The following ANO2 variants were observed in gnomAD, a reference collection of about 807,000 sequenced individuals.
ANO2 encodes the protein anoctamin 2.
In ANO2, 101 loss-of-function variants were observed where a neutral mutation model predicts 124.2. The ratio of observed to expected loss-of-function variants is 0.81; its 90% CI spans 0.69 to 0.96. The LOEUF (loss-of-function observed/expected upper bound fraction) is 0.96, where lower values mean the gene tolerates loss of function less well. Among genes scored for constraint, ANO2 ranks in the 40% least tolerant of loss-of-function variants. ANO2 has a pLI of 0.00. For missense variants in ANO2, 1,293 were observed against 1,274.5 expected, an observed-to-expected ratio of 1.01 and a Z score of -0.22; for synonymous variants, 486 against 482.5, an observed-to-expected ratio of 1.01 and a Z score of -0.09.
chr12:5,724,230 T>C (rs1201440764), intron 14 of ANO2, among the ~76,000 whole-genome samples: 3 of 152,176 alleles, frequency 2.0e-5, no homozygotes, highest in African/African-American at 7.2e-5. Context: ...GCTCTTTCTG[T>C]GCCTCAGTGT....
In ANO2 at chr12:5,741,542, A is replaced by T. The variant is rs539543108; in HGVS notation, c.1352-2143T>A. Reference sequence around the variant, plus strand: ...GAGGGCTGTGCACACAACAGTGCCCAGAGTGCTGACCGACTGGTGTCTCCA... The same window carrying T: ...GAGGGCTGTGCACACAACAGTGCCCTGAGTGCTGACCGACTGGTGTCTCCA... On this transcript the variant is annotated intron_variant, in intron 12 of 24. Transcript: ENST00000682330. Among the ~76,000 whole-genome samples, 122 of 152,292 alleles carry T rather than the reference A, an allele frequency of 8.0e-4. 1 individual carries two copies. The highest frequency in any genetic ancestry group is 1.6e-3 in the Admixed American group (24 of 15,306).
rs528234869 is a variant in ANO2, at chr12:5,769,238, G to A, written c.1056-18268C>T. 3.3e-5 allele frequency among the ~76,000 whole-genome samples: 5 copies of A among 152,216 alleles called. No individual in the cohort carries two copies. Among genetic ancestry groups the A allele is most frequent in the South Asian group, 4.2e-4 (2 of 4,810 alleles). On this transcript the variant is annotated intron_variant, in intron 10 of 24. Transcript: ENST00000682330. The surrounding 1 kb of genome is among the most constrained non-coding windows in gnomAD (Gnocchi z 4.0). ...GAAGGTTTCCAAATAAAGAGCCATC[G>A]TATGGAGCAAGGGAGGCTGCAGAGC...
intron 14 of ANO2, 143 bp downstream of exon 14, chr12:5,732,377 C>G (rs1309137310): frequency 1.6e-6 from 1 of 633,818 alleles, no homozygotes; most frequent in East Asian, 2.8e-5. Flanking sequence ...CAGGACAATG[C>G]GAGATGTCAT....
Position 5,921,033 on chromosome 12 carries a change from G to A in ANO2, c.534+7C>T, listed in dbSNP as rs753579030. The A allele has an allele frequency of 1.5e-5, 24 of 1,600,100 alleles. No homozygotes were observed. The highest frequency in any genetic ancestry group is 2.0e-5 in the Non-Finnish European group (23 of 1,169,408). ...TCTCCAAGTCCCTGGCCACCCGCCTGACTCACCTCCAAGTCCTTCTCAAGC... is the reference window on the plus strand; with the variant it reads ...TCTCCAAGTCCCTGGCCACCCGCCTAACTCACCTCCAAGTCCTTCTCAAGC... On this transcript the variant is annotated splice_region_variant and intron_variant, in intron 3 of 24. Coordinates refer to ENST00000682330, the MANE Select transcript of ANO2 (RefSeq NM_001364791.2).
chr12:5,668,764 G>A (rs535007296), intron 14 of ANO2, among the ~76,000 whole-genome samples: 2 of 152,194 alleles, frequency 1.3e-5, no homozygotes, highest in African/African-American at 2.4e-5. Flanking sequence ...TTCTGCATAC[G>A]GCTAGCCAGA....
intron 14 of ANO2, among the ~76,000 whole-genome samples, chr12:5,712,496 G>C (rs1949855003): frequency 6.6e-6 from 1 of 152,170 alleles, no homozygotes; most frequent in African/African-American, 2.4e-5. Flanking sequence ...GAGCCACCAA[G>C]GGCTGGAAGA....
intron 14 of ANO2, among the ~76,000 whole-genome samples, chr12:5,651,076 A>C (rs1262778870): frequency 6.6e-6 from 1 of 152,240 alleles, no homozygotes; most frequent in Non-Finnish European, 1.5e-5. Context: ...AGGCTCATAA[A>C]AGTAAGGTCT....
At chr12:5,628,429 G>A (rs561980255) in intron 16 of ANO2, among the ~76,000 whole-genome samples, 1 of 152,322 alleles carries the variant, frequency 6.6e-6, no homozygotes, top group East Asian at 1.9e-4. Context: ...GGGGAACAAG[G>A]ACAGCTACAT....
chr12:5,576,893 ACTGGGC>A (rs1942443494), intron 22 of ANO2, among the ~76,000 whole-genome samples: 1 of 152,256 alleles, frequency 6.6e-6, no homozygotes, highest in East Asian at 1.9e-4. Flanking sequence ...GCTACAACTT[ACTGGGC>A]ACTTGTTATA....
chr12:5,631,042 C>A (rs1356509755), intron 16 of ANO2, among the ~76,000 whole-genome samples: 2 of 152,142 alleles, frequency 1.3e-5, no homozygotes, highest in Non-Finnish European at 2.9e-5. Flanking sequence ...GCAGCAGAGA[C>A]CCCTGCCTGA....
chr12:5,746,361 G>C (rs1299220375), intron 11 of ANO2, among the ~76,000 whole-genome samples: 2 of 152,186 alleles, frequency 1.3e-5, no homozygotes, highest in African/African-American at 4.8e-5. Context: ...AAGTCAGAAT[G>C]CTTTATATAT....
intron 14 of ANO2, among the ~76,000 whole-genome samples, chr12:5,660,488 C>T (rs1237205038): frequency 7.5e-6 from 1 of 133,718 alleles, no homozygotes; most frequent in South Asian, 2.3e-4. Flanking sequence ...TCACTCTCCA[C>T]CCAGCTCCTC....
chr12:5,607,903 T>C (rs1336058351), intron 19 of ANO2, among the ~76,000 whole-genome samples: 3 of 152,202 alleles, frequency 2.0e-5, no homozygotes, highest in Non-Finnish European at 4.4e-5. Context: ...TATTTCATTA[T>C]ATATTGCAAT....
At chr12:5,751,626 G>T (rs944117141) in intron 10 of ANO2, among the ~76,000 whole-genome samples, 3 of 152,162 alleles carry the variant, frequency 2.0e-5, no homozygotes, top group Non-Finnish European at 2.9e-5. Flanking sequence ...ATACACCCAT[G>T]AGAACATCAC....
At chr12:5,604,816 T>C (rs753496268) in intron 19 of ANO2, among the ~76,000 whole-genome samples, 1 of 152,124 alleles carries the variant, frequency 6.6e-6, no homozygotes, top group African/African-American at 2.4e-5. Context: ...AACATACAGA[T>C]GGGCTTTTGG....
chr12:5,925,027 TG>T lies in ANO2; in HGVS notation c.23-2224del, dbSNP rs1942017024. Among the ~76,000 whole-genome samples the T allele has an allele frequency of 1.3e-5, 2 of 152,144 alleles. No homozygotes were observed. Among genetic ancestry groups the T allele is most frequent in the Admixed American group, 1.3e-4 (2 of 15,274 alleles). On this transcript the variant is annotated intron_variant, in intron 1 of 24. Coordinates refer to ENST00000682330, the MANE Select transcript of ANO2 (RefSeq NM_001364791.2). The surrounding 1 kb of genome is among the most constrained non-coding windows in gnomAD (Gnocchi z 4.6). ...TCCTCCCACTTCCCTTGTGCCTTCC[TG>T]CATGCCTGCCCCACAAGTGCCTGAG...
At chr12:5,598,809 T>A (rs1943790089) in intron 20 of ANO2, among the ~76,000 whole-genome samples, 1 of 152,224 alleles carries the variant, frequency 6.6e-6, no homozygotes, top group Non-Finnish European at 1.5e-5. Flanking sequence ...GTTGGGACCC[T>A]TCTCATAATA....
intron 7 of ANO2, among the ~76,000 whole-genome samples, chr12:5,812,421 CA>C (rs1953429590): frequency 8.5e-6 from 1 of 117,562 alleles, no homozygotes; most frequent in South Asian, 2.8e-4. Flanking sequence ...GGAGGGCAGG[CA>C]GGCAAGCAAA....
In ANO2 at chr12:5,872,097, C is replaced by T. The variant is rs1937739938; in HGVS notation, c.535-17956G>A. 4.6e-5 allele frequency among the ~76,000 whole-genome samples: 7 copies of T among 152,314 alleles called. No homozygotes were observed. The South Asian group carries it at 1.2e-3, about 27-fold the overall frequency. ...GATGTCAGCCAGCTCTTAATGGGGA[C>T]AGGTAAACAAGACAGGAGCAAAATG... is the stretch of plus-strand genomic sequence containing the variant. On this transcript the variant is annotated intron_variant, in intron 3 of 24. Transcript: ENST00000682330.
Sources: allele counts gnomAD v4.1 joint callset (sites outside exome capture counted in the v4.1 genomes callset), GRCh38; gene constraint gnomAD v4.1.1; non-coding constraint Gnocchi (gnomAD v3.1); transcripts MANE v1.5; gene names NCBI Gene and HGNC (gene_info 2026-07-23, HGNC 2026-07-21).